Variants in SPPL3 observed in about 807,000 individuals in gnomAD.
SPPL3 encodes signal peptide peptidase like 3.
Under a neutral mutation model 42.4 loss-of-function variants are expected in SPPL3, and 5 were observed. That is an observed-to-expected ratio of 0.12 (90% CI 0.06 to 0.25). The LOEUF (loss-of-function observed/expected upper bound fraction) is 0.25, where lower values mean the gene tolerates loss of function less well. Ranked by LOEUF, SPPL3 falls within the 10% of genes least tolerant of loss-of-function variation. SPPL3 has a pLI of 1.00. For synonymous variants in SPPL3, 195 were observed against 181.8 expected (o/e 1.07, Z -0.58); for missense variants, 235 against 489.0 (o/e 0.48, Z 4.90).
intron 1 of SPPL3, among the ~76,000 whole-genome samples, chr12:120,882,202 G>C (rs1331510702): frequency 6.6e-6 from 1 of 152,052 alleles, no homozygotes; most frequent in African/African-American, 2.4e-5. Flanking sequence ...TTGGTTATCA[G>C]ATTGAATAAA....
intron 1 of SPPL3, chr12:120,835,364 A>C (rs917421775): frequency 1.3e-5 from 2 of 152,252 alleles, no homozygotes; most frequent in Non-Finnish European, 2.9e-5. Context: ...CCCTTGCTAA[A>C]CAGTAGTTCT....
intron 1 of SPPL3, among the ~76,000 whole-genome samples, chr12:120,844,388 C>G (rs1871948103): frequency 6.6e-6 from 1 of 152,218 alleles, no homozygotes; most frequent in Admixed American, 6.5e-5. Context: ...GCTCAACCCA[C>G]ACACAACCAA....
At chr12:120,836,827 A>ATG (rs1452475147) in intron 1 of SPPL3, among the ~76,000 whole-genome samples, 1 of 152,292 alleles carries the variant, frequency 6.6e-6, no homozygotes, top group East Asian at 1.9e-4. Flanking sequence ...TAACATGCAC[A>ATG]TGTGTGTGTG....
chr12:120,895,759 G>A (rs1434378975), intron 1 of SPPL3, among the ~76,000 whole-genome samples: 3 of 152,030 alleles, frequency 2.0e-5, no homozygotes, highest in Non-Finnish European at 2.9e-5. Flanking sequence ...TCCTCACAAC[G>A]ACCCTGTGGA....
chr12:120,903,958 T>C lies in SPPL3; in HGVS notation c.-91A>G. On this transcript the variant is annotated 5_prime_UTR_variant, in exon 1 of 11. Transcript: ENST00000353487. ...GCCGTAGCTGAAGGCGCGGCCGGGG[T>C]CCGGTGCTTGCTTGCTTGCTCGCTC... The C allele has an allele frequency of 1.7e-6, 2 of 1,154,062 alleles. No homozygotes were observed. The highest frequency in any genetic ancestry group is 2.2e-6 in the Non-Finnish European group (2 of 907,688). The allele number at this position is 1,154,062 out of a possible 1,614,324, so 71.5% of individuals were successfully genotyped here.
chr12:120,839,974 TG>T (rs1460711097), intron 1 of SPPL3, among the ~76,000 whole-genome samples: 9 of 152,086 alleles, frequency 5.9e-5, no homozygotes, highest in Admixed American at 2.0e-4. Context: ...TGGAATATTT[TG>T]GGCCATAAAA....
intron 1 of SPPL3, among the ~76,000 whole-genome samples, chr12:120,843,412 G>A (rs1871897313): frequency 6.6e-6 from 1 of 152,104 alleles, no homozygotes; most frequent in African/African-American, 2.4e-5. Context: ...GATGCTCAAA[G>A]CCAATATTCC....
intron 1 of SPPL3, among the ~76,000 whole-genome samples, chr12:120,814,317 G>T (rs77535057): frequency 6.6e-6 from 1 of 152,246 alleles, no homozygotes; most frequent in African/African-American, 2.4e-5. Context: ...CCGGGGAGTG[G>T]AGAAAGGGAA....
intron 2 of SPPL3, 27 bp from the exon 3 acceptor site, chr12:120,791,584 T>C (rs550988844): frequency 1.7e-5 from 26 of 1,504,176 alleles, no homozygotes; most frequent in South Asian, 9.6e-5. Flanking sequence ...TGTAGTTAAG[T>C]TGTAGTTTTG....
At chr12:120,890,075 GTC>G (rs1670849961) in intron 1 of SPPL3, among the ~76,000 whole-genome samples, 1 of 151,604 alleles carries the variant, frequency 6.6e-6, no homozygotes, top group Non-Finnish European at 1.5e-5. Context: ...GAGAAACCCT[GTC>G]TCTACTGAAA....
chr12:120,866,384 G>C (rs1424704487), intron 1 of SPPL3, among the ~76,000 whole-genome samples: 1 of 151,092 alleles, frequency 6.6e-6, no homozygotes, highest in Non-Finnish European at 1.5e-5. Context: ...AACACATTAG[G>C]AAATTCCTAT....
At chr12:120,800,622 C>T (rs1870258437) in intron 2 of SPPL3, among the ~76,000 whole-genome samples, 1 of 152,062 alleles carries the variant, frequency 6.6e-6, no homozygotes, top group Admixed American at 6.5e-5. Context: ...GAAAAAAAAT[C>T]CATCTAAATT....
chr12:120,807,347 T>TG (rs1465510083), intron 2 of SPPL3, among the ~76,000 whole-genome samples: 6 of 151,926 alleles, frequency 3.9e-5, no homozygotes, highest in African/African-American at 1.5e-4. Context: ...ATATATATTT[T>TG]ACCACAATAA....
intron 2 of SPPL3, among the ~76,000 whole-genome samples, chr12:120,799,014 A>G (rs575801247): frequency 4.6e-5 from 7 of 152,344 alleles, no homozygotes; most frequent in Non-Finnish European, 1.0e-4. Flanking sequence ...AGAACTATTT[A>G]TAACTCCATC....
rs958347553 is a variant in SPPL3, at chr12:120,901,843, T to C, written c.23+2002A>G. On this transcript the variant is annotated intron_variant, in intron 1 of 10. Coordinates refer to ENST00000353487, the MANE Select transcript of SPPL3 (RefSeq NM_139015.5). ...GTAATCCCTCCTTAATAGAGCCAACTAATGTCAGAGAGAGGTCGTGTGTGT... is the reference window on the plus strand; with the variant it reads ...GTAATCCCTCCTTAATAGAGCCAACCAATGTCAGAGAGAGGTCGTGTGTGT... The C allele has an allele frequency of 3.1e-6, 3 of 963,738 alleles. No individual in the cohort carries two copies. The African/African-American group carries it at 5.3e-5, about 17-fold the overall frequency. The allele number at this position is 963,738 out of a possible 1,614,324, so 59.7% of individuals were successfully genotyped here. A position where few individuals can be genotyped will look rare whatever the true frequency, so the allele number is the denominator to read the frequency against.
At chr12:120,826,471 G>C (rs1160379075) in intron 1 of SPPL3, among the ~76,000 whole-genome samples, 1 of 152,002 alleles carries the variant, frequency 6.6e-6, no homozygotes, top group African/African-American at 2.4e-5. Flanking sequence ...CACAACTTAA[G>C]GCAGAACCCT....
At chr12:120,803,801 C>G (rs1870404773) in intron 2 of SPPL3, among the ~76,000 whole-genome samples, 1 of 151,998 alleles carries the variant, frequency 6.6e-6, no homozygotes, top group South Asian at 2.1e-4. Flanking sequence ...AAAATCATTC[C>G]CTACGTCATC....
intron 3 of SPPL3, among the ~76,000 whole-genome samples, 197 bp downstream of exon 3, chr12:120,791,268 TTCTA>T (rs1869906371): frequency 6.6e-6 from 1 of 152,194 alleles, no homozygotes; most frequent in African/African-American, 2.4e-5. Context: ...ATTCAAATCT[TTCTA>T]TAAGCATCAA....
chr12:120,771,732 T>C (rs1194466228), intron 6 of SPPL3, among the ~76,000 whole-genome samples: 1 of 152,098 alleles, frequency 6.6e-6, no homozygotes. Context: ...CACAGAGCTG[T>C]TGAGAAACTC....
Sources: allele counts gnomAD v4.1 joint callset (sites outside exome capture counted in the v4.1 genomes callset), GRCh38; gene constraint gnomAD v4.1.1; transcripts MANE v1.5; gene names NCBI Gene and HGNC (gene_info 2026-07-23, HGNC 2026-07-21).